AKAP6: variants seen among roughly 807,000 people sequenced by gnomAD.
The protein encoded by AKAP6 is A-kinase anchoring protein 6.
Under a neutral mutation model 188.5 loss-of-function variants are expected in AKAP6, and 58 were observed. The ratio of observed to expected loss-of-function variants is 0.31; its 90% CI spans 0.25 to 0.38. The LOEUF (loss-of-function observed/expected upper bound fraction) is 0.38, where lower values mean the gene tolerates loss of function less well. AKAP6 is among the 10% of genes least tolerant of loss of function. The pLI is 1.00. For synonymous variants in AKAP6, 989 were observed against 998.6 expected (o/e 0.99, Z 0.18); for missense variants, 2,710 against 2,740.0 (o/e 0.99, Z 0.24).
In AKAP6 at chr14:32,536,531, A is replaced by G. The variant is rs189333707; in HGVS notation, c.576+726A>G. On this transcript the variant is annotated intron_variant, in intron 3 of 13. Coordinates refer to ENST00000280979, the MANE Select transcript of AKAP6 (RefSeq NM_004274.5). ...AAGAGCTTTCTAAATCCATATTAAG[A>G]GATTTGGACTTCATTTTGAGGACAA... Among the ~76,000 whole-genome samples the G allele has an allele frequency of 3.6e-3, 549 of 152,310 alleles. 3 individuals are homozygous for G. The highest frequency in any genetic ancestry group is 4.7e-3 in the Non-Finnish European group (318 of 68,030).
At chr14:32,469,253 G>A (rs1370468957) in intron 2 of AKAP6, among the ~76,000 whole-genome samples, 1 of 152,204 alleles carries the variant, frequency 6.6e-6, no homozygotes, top group African/African-American at 2.4e-5. Flanking sequence ...CTTTTCAACA[G>A]TCTCCAACGG....
chr14:32,518,071 C>T (rs1311284839), intron 2 of AKAP6, among the ~76,000 whole-genome samples: 1 of 152,128 alleles, frequency 6.6e-6, no homozygotes, highest in African/African-American at 2.4e-5. Flanking sequence ...GCTGGTGATA[C>T]CCAGGCAAAC....
At chr14:32,445,217 T>C (rs565622288) in intron 2 of AKAP6, among the ~76,000 whole-genome samples, 1 of 152,316 alleles carries the variant, frequency 6.6e-6, no homozygotes, top group South Asian at 2.1e-4. Flanking sequence ...CCTTGGAATA[T>C]GGTTTCTTCT....
At chr14:32,665,871 C>T (rs986150696) in intron 7 of AKAP6, among the ~76,000 whole-genome samples, 1 of 152,114 alleles carries the variant, frequency 6.6e-6, no homozygotes, top group African/African-American at 2.4e-5. Context: ...ATTAGTATAT[C>T]AGATATCTTT....
chr14:32,479,253 C>G (rs758046588), intron 2 of AKAP6, among the ~76,000 whole-genome samples: 4 of 151,882 alleles, frequency 2.6e-5, no homozygotes, highest in African/African-American at 9.7e-5. Flanking sequence ...AAGTAAACAT[C>G]GACTCCTCAC....
chr14:32,819,854 G>A (rs534458025), intron 12 of AKAP6, among the ~76,000 whole-genome samples: 5 of 152,112 alleles, frequency 3.3e-5, no homozygotes, highest in African/African-American at 4.8e-5. Flanking sequence ...AGGCTAAGGC[G>A]GAAGGATTGT....
At chr14:32,447,815 G>A (rs1252558845) in intron 2 of AKAP6, among the ~76,000 whole-genome samples, 2 of 152,158 alleles carry the variant, frequency 1.3e-5, no homozygotes, top group Non-Finnish European at 2.9e-5. Flanking sequence ...CAAATGAGAG[G>A]ATGTGCTCAC....
chr14:32,618,565 G>A (rs1219070087), intron 7 of AKAP6, among the ~76,000 whole-genome samples: 2 of 152,122 alleles, frequency 1.3e-5, no homozygotes, highest in Non-Finnish European at 2.9e-5. Flanking sequence ...CGTGGTGTAT[G>A]TATGTCACAT....
intron 12 of AKAP6, among the ~76,000 whole-genome samples, chr14:32,804,344 C>T (rs1310687089): frequency 2.0e-5 from 3 of 152,178 alleles, no homozygotes; most frequent in African/African-American, 7.2e-5. Context: ...GCCAGACCCT[C>T]CAAAGGGAGG....
At chr14:32,504,065 A>G (rs1199411295) in intron 2 of AKAP6, among the ~76,000 whole-genome samples, 2 of 151,932 alleles carry the variant, frequency 1.3e-5, no homozygotes, top group African/African-American at 4.8e-5. Flanking sequence ...ATCCAATAAT[A>G]TATTTTATTA....
chr14:32,634,795 A>G (rs1887417272), intron 7 of AKAP6, among the ~76,000 whole-genome samples: 1 of 152,086 alleles, frequency 6.6e-6, no homozygotes, highest in Admixed American at 6.6e-5. Flanking sequence ...CTAAAATTTG[A>G]AAGAATCCTG....
At chr14:32,633,758 C>CT (rs1191638619) in intron 7 of AKAP6, among the ~76,000 whole-genome samples, 6 of 152,180 alleles carry the variant, frequency 3.9e-5, no homozygotes, top group Non-Finnish European at 7.4e-5. Context: ...TCCTATGCCT[C>CT]TAACATTGGA....
chr14:32,421,419 A>G (rs1200008199), intron 1 of AKAP6, among the ~76,000 whole-genome samples: 2 of 151,908 alleles, frequency 1.3e-5, no homozygotes, highest in Non-Finnish European at 2.9e-5. Context: ...TTTAGCTATT[A>G]TATTGTGATT....
intron 7 of AKAP6, among the ~76,000 whole-genome samples, chr14:32,615,591 C>CT (rs779867395): frequency 0.012 from 1,386 of 115,230 alleles, 66 homozygotes; most frequent in South Asian, 0.016. Flanking sequence ...TAAACCATTA[C>CT]TTTTTTTTTT....
chr14:32,332,905 T>TA lies in AKAP6; in HGVS notation c.-35+3498dup, dbSNP rs144078198. On this transcript the variant is annotated intron_variant, in intron 1 of 13. Transcript: ENST00000280979. ...AAGCCTTGTGTTTGAGGAGAGCTGATATAGTCATTTCTGTATCATCTTGCT... is the reference window on the plus strand; with the variant it reads ...AAGCCTTGTGTTTGAGGAGAGCTGATAATAGTCATTTCTGTATCATCTTGCT... Among the ~76,000 whole-genome samples the TA allele has an allele frequency of 3.1e-3, 471 of 152,256 alleles. 2 individuals carry two copies. The highest frequency in any genetic ancestry group is 0.011 in the African/African-American group (448 of 41,572).
rs1010505869 is a variant in AKAP6, at chr14:32,535,796, G to A, written c.567G>A (p.Glu189=). The A allele has an allele frequency of 1.2e-6, 2 of 1,609,916 alleles. No homozygotes were observed. Among genetic ancestry groups the A allele is most frequent in the Non-Finnish European group, 8.5e-7 (1 of 1,177,046 alleles). The change falls in exon 3 of 14, where the codon GAG becomes GAA. Residue 189 remains glutamate, a synonymous_variant. Transcript: ENST00000280979. The part of the protein sequence containing the change: ...QTDILQAFSE[E]TKEGRLDSLT... The stretch of plus-strand genomic sequence containing the variant: ...ACATTCTGCAAGCTTTCTCTGAAGA[G>A]ACAAAAGAGGTGAGTGTTTTCCTTG...
rs148888458 is a variant in AKAP6 at position 32,539,318 on chromosome 14, T to C, written c.576+3513T>C. Among the ~76,000 whole-genome samples, 290 of 152,326 alleles carry C rather than the reference T, an allele frequency of 1.9e-3. 2 individuals are homozygous for C. Among genetic ancestry groups the C allele is most frequent in the Non-Finnish European group, 3.6e-3 (246 of 68,026 alleles). On this transcript the variant is annotated intron_variant, in intron 3 of 13. Transcript: ENST00000280979. The stretch of plus-strand genomic sequence containing the variant: ...GTGTGGTAAGCACTTACCTAAATGA[T>C]ACCTTCTGCGTGGGGATGCATTGGT...
intron 9 of AKAP6, among the ~76,000 whole-genome samples, chr14:32,724,990 TAAAAAAAAAA>T (rs71432079): frequency 4.9e-4 from 17 of 34,900 alleles, no homozygotes; most frequent in Admixed American, 2.2e-3. Flanking sequence ...ATATTCAACC[TAAAAAAAAAA>T]AAAAAAAAAA....
At chr14:32,506,613 C>A (rs1235143477) in intron 2 of AKAP6, among the ~76,000 whole-genome samples, 1 of 152,046 alleles carries the variant, frequency 6.6e-6, no homozygotes, top group African/African-American at 2.4e-5. Context: ...GAAGTCGAGG[C>A]AGGAGGATTG....
Sources: allele counts gnomAD v4.1 joint callset (sites outside exome capture counted in the v4.1 genomes callset), GRCh38; gene constraint gnomAD v4.1.1; transcripts MANE v1.5; gene names NCBI Gene and HGNC (gene_info 2026-07-23, HGNC 2026-07-21).